SNAPC3: variants seen among roughly 807,000 people sequenced by gnomAD.
SNAPC3 encodes snRNA-activating protein complex subunit 3.
In SNAPC3, 56 loss-of-function variants were observed where a neutral mutation model predicts 47.7. The ratio of observed to expected loss-of-function variants is 1.18; its 90% CI spans 0.95 to 1.47. The LOEUF (loss-of-function observed/expected upper bound fraction) is 1.47, where lower values mean the gene tolerates loss of function less well. Among genes scored for constraint, SNAPC3 ranks in the 40% most tolerant of loss-of-function variants. SNAPC3 has a pLI of 0.00. For synonymous variants in SNAPC3, 235 were observed against 189.9 expected (o/e 1.24, Z -1.95); for missense variants, 665 against 511.3 (o/e 1.30, Z -2.90).
rs1186380757 is a variant in SNAPC3 at position 15,453,065 on chromosome 9, C to T, written c.840C>T (p.Ser280=). Residue 280 remains serine (S), a synonymous_variant, in exon 7 of 9, where the codon TCC becomes TCT. Coordinates refer to ENST00000380821, the MANE Select transcript of SNAPC3 (RefSeq NM_001039697.2). ...GAACTATCATTGAGTGGTCAGAGTCCCATGATAGAGGCTATGGAAAGTTTC... is the reference window on the plus strand; with the variant it reads ...GAACTATCATTGAGTGGTCAGAGTCTCATGATAGAGGCTATGGAAAGTTTC... ...LSRTIIEWSE[S]HDRGYGKFQT... 6.2e-7 allele frequency: 1 copy of T among 1,613,520 alleles called. No individual in the cohort carries two copies. The highest frequency in any genetic ancestry group is 8.5e-7 in the Non-Finnish European group (1 of 1,179,616).
chr9:15,433,479 T>G, intron 2 of SNAPC3, 73 bp from the exon 3 acceptor site: 3 of 932,070 alleles, frequency 3.2e-6, no homozygotes, highest in Non-Finnish European at 5.1e-6. Flanking sequence ...AACTTGAATG[T>G]TAAATATGTT....
intron 7 of SNAPC3, chr9:15,453,582 T>G (rs1717099964): frequency 6.4e-6 from 1 of 156,146 alleles, no homozygotes; most frequent in South Asian, 2.0e-4. Flanking sequence ...TTGAAGAAGA[T>G]AAAAGGGAAT....
Position 15,423,194 on chromosome 9 carries a change from G to T in SNAPC3, c.314+1G>T. The T allele has an allele frequency of 1.3e-6, 2 of 1,578,656 alleles. No individual in the cohort carries two copies. Among genetic ancestry groups the T allele is most frequent in the South Asian group, 1.1e-5 (1 of 87,712 alleles). On this transcript the variant is annotated splice_donor_variant, in intron 1 of 8. Coordinates refer to ENST00000380821, the MANE Select transcript of SNAPC3 (RefSeq NM_001039697.2). LOFTEE classifies it high-confidence loss of function. Reference sequence around the variant, plus strand: ...CGGCTGAGCTGAGGGCGGTGTGCGGGTGAGTGCGGAGCAAAGGGGCTCTTG... The same window carrying T: ...CGGCTGAGCTGAGGGCGGTGTGCGGTTGAGTGCGGAGCAAAGGGGCTCTTG...
intron 2 of SNAPC3, among the ~76,000 whole-genome samples, chr9:15,427,515 A>ATTTTTTTTTTTTTTTTTTT: frequency 6.6e-6 from 1 of 152,114 alleles, no homozygotes; most frequent in Admixed American, 6.5e-5. Flanking sequence ...TGCCTGGCTA[A>ATTTTTTTTTTTTTTTTTTT]TTTTTTATAT....
intron 3 of SNAPC3, among the ~76,000 whole-genome samples, chr9:15,443,677 C>T (rs2033696599): frequency 6.6e-6 from 1 of 152,100 alleles, no homozygotes; most frequent in East Asian, 1.9e-4. Context: ...AATGCACGTA[C>T]CTGGACCAGG....
rs1216078609 is a variant in SNAPC3, at chr9:15,453,129, T to G, written c.904T>G (p.Cys302Gly). The G allele has an allele frequency of 5.6e-6, 9 of 1,612,576 alleles. No individual in the cohort carries two copies. The highest frequency in any genetic ancestry group is 1.3e-5 in the African/African-American group (1 of 74,886). The change falls in exon 7 of 9, where the codon TGT becomes GGT. Residue 302 changes from cysteine to glycine, a missense_variant. Cys to Gly is a radical substitution (Grantham distance 159). Transcript: ENST00000380821. Reference sequence around the variant, plus strand: ...GGAAGATTTCACCTTCAATGACTTGTGTATTAAACTGGGTTTTCCTTACTT... The same window carrying G: ...GGAAGATTTCACCTTCAATGACTTGGGTATTAAACTGGGTTTTCCTTACTT... ...RMEDFTFNDL[C>G]IKLGFPYLYC...
rs1267805688 is a variant in SNAPC3 at position 15,423,055 on chromosome 9, GGGACTT to G, written c.178_183del (p.Asp60_Leu61del). On this transcript the variant is annotated inframe_deletion, in exon 1 of 9. Coordinates refer to ENST00000380821, the MANE Select transcript of SNAPC3 (RefSeq NM_001039697.2). ...TGGCGGGGCCGTCTGCGCGGGGCCGGGGACTTGTCGCTGAGGGAGCCGCCGGCATCC... is the reference window on the plus strand; with the variant it reads ...TGGCGGGGCCGTCTGCGCGGGGCCGGGTCGCTGAGGGAGCCGCCGGCATCC... The G allele has an allele frequency of 6.6e-7, 1 of 1,518,248 alleles. No homozygotes were observed. Among genetic ancestry groups the G allele is most frequent in the Admixed American group, 2.5e-5 (1 of 40,788 alleles). 94.0% of individuals were successfully genotyped at this position (1,518,248 alleles called of 1,614,324 possible).
intron 3 of SNAPC3, among the ~76,000 whole-genome samples, chr9:15,435,164 A>G (rs953477849): frequency 4.6e-5 from 7 of 152,122 alleles, no homozygotes; most frequent in African/African-American, 1.4e-4. Context: ...CCTAATAACT[A>G]GTGATGCTGA....
chr9:15,428,715 A>G (rs1315001161), intron 2 of SNAPC3, among the ~76,000 whole-genome samples: 1 of 152,166 alleles, frequency 6.6e-6, no homozygotes, highest in African/African-American at 2.4e-5. Flanking sequence ...CAATTACCTC[A>G]TAAGTGAATA....
At chr9:15,433,702 T>C in intron 3 of SNAPC3, 66 bp downstream of exon 3, 1 of 1,000,122 alleles carries the variant, frequency 1.0e-6, no homozygotes, top group South Asian at 1.3e-5. Context: ...TGGCTGAGGG[T>C]TAGTAATGAC....
chr9:15,452,873 TTCCTAA>T (rs2034495627), intron 6 of SNAPC3, among the ~76,000 whole-genome samples, 162 bp from the exon 7 acceptor site: 4 of 152,350 alleles, frequency 2.6e-5, no homozygotes, highest in Admixed American at 2.6e-4. Flanking sequence ...AAATTCAGCG[TTCCTAA>T]TCTCAACATG....
At chr9:15,440,842 G>T (rs552516661) in intron 3 of SNAPC3, among the ~76,000 whole-genome samples, 1 of 152,106 alleles carries the variant, frequency 6.6e-6, no homozygotes, top group Non-Finnish European at 1.5e-5. Context: ...CCAGCTACTT[G>T]GGAGGCTGAG....
At chr9:15,425,312 G>C (rs2031217283) in intron 2 of SNAPC3, among the ~76,000 whole-genome samples, 1 of 152,052 alleles carries the variant, frequency 6.6e-6, no homozygotes, top group African/African-American at 2.4e-5. Flanking sequence ...TCTGCCTCCG[G>C]GTTCAAGCGA....
In SNAPC3 at chr9:15,454,247, A is replaced by C. The variant is rs377299830; in HGVS notation, c.980+1042A>C. On this transcript the variant is annotated intron_variant, in intron 7 of 8. Transcript: ENST00000380821. The stretch of plus-strand genomic sequence containing the variant: ...CTTGTCTCAAAAAAAAAAAAAAGAA[A>C]AAAAGAAAGAAGCTGATGCTTTCAG... 3.9e-5 allele frequency among the ~76,000 whole-genome samples: 6 copies of C among 152,034 alleles called. No individual in the cohort carries two copies. In the East Asian group the frequency reaches 9.6e-4, roughly 24 times the overall value.
At chr9:15,431,289 G>A (rs545587583) in intron 2 of SNAPC3, among the ~76,000 whole-genome samples, 126 of 152,226 alleles carry the variant, frequency 8.3e-4, no homozygotes, top group African/African-American at 2.9e-3. Flanking sequence ...TCTCCAGCTC[G>A]TCTGGATCTC....
chr9:15,425,857 G>C (rs1037385775), intron 2 of SNAPC3, among the ~76,000 whole-genome samples: 3 of 152,070 alleles, frequency 2.0e-5, no homozygotes, highest in Non-Finnish European at 2.9e-5. Flanking sequence ...GGACCTTGCT[G>C]TTTTCATTTT....
At chr9:15,433,507 A>C (rs777695369) in intron 2 of SNAPC3, 45 bp from the exon 3 acceptor site, 2 of 1,199,900 alleles carry the variant, frequency 1.7e-6, no homozygotes, top group Non-Finnish European at 2.4e-6. Flanking sequence ...CCCGAATAAC[A>C]AATGTTGAAC....
intron 7 of SNAPC3, among the ~76,000 whole-genome samples, chr9:15,454,795 G>A (rs147076282): frequency 0.014 from 2,141 of 152,258 alleles, 25 homozygotes; most frequent in Non-Finnish European, 0.022. Flanking sequence ...TTAGCCAGGC[G>A]TGGTGGTGGG....
chr9:15,464,754 A>ATGATT, downstream of SNAPC3: 2 of 205,360 alleles, frequency 9.7e-6, no homozygotes, highest in Middle Eastern at 3.2e-3. Flanking sequence ...AGGACCTTAA[A>ATGATT]TGATTTAACC....
Sources: allele counts gnomAD v4.1 joint callset (sites outside exome capture counted in the v4.1 genomes callset), GRCh38; gene constraint gnomAD v4.1.1; transcripts MANE v1.5; gene names NCBI Gene and HGNC (gene_info 2026-07-23, HGNC 2026-07-21).